NRXN3: variants seen among roughly 807,000 people sequenced by gnomAD.
NRXN3 encodes neurexin III.
A neutral mutation model predicts 137.6 loss-of-function variants in NRXN3; 32 were observed. The ratio of observed to expected loss-of-function variants is 0.23; its 90% CI spans 0.18 to 0.31. NRXN3 has a LOEUF of 0.31. Among genes scored for constraint, NRXN3 ranks in the 10% least tolerant of loss-of-function variants. NRXN3 has a pLI of 1.00. For missense variants in NRXN3, 1,574 were observed against 2,062.5 expected (o/e 0.76, Z 4.59); for synonymous variants, 798 against 784.5 (o/e 1.02, Z -0.29).
intron 4 of NRXN3, among the ~76,000 whole-genome samples, chr14:78,389,056 C>CTTTTTTTTTTTTTTTT (rs5809885): frequency 7.4e-6 from 1 of 135,612 alleles, no homozygotes; most frequent in Non-Finnish European, 1.6e-5. Context: ...GTTTAAGTTT[C>CTTTTTTTTTTTTTTTT]TTTTTTTTTT....
At chr14:78,210,685 C>T (rs114600994) in intron 1 of NRXN3, among the ~76,000 whole-genome samples, 1 of 151,738 alleles carries the variant, frequency 6.6e-6, no homozygotes, top group Admixed American at 6.6e-5. Flanking sequence ...CTGTCCCCAC[C>T]CCTGGCCCCA....
chr14:78,813,248 T>C (rs2098920158), intron 10 of NRXN3, among the ~76,000 whole-genome samples: 1 of 152,202 alleles, frequency 6.6e-6, no homozygotes, highest in Non-Finnish European at 1.5e-5. Context: ...TGCAATTAAA[T>C]TTGGAGAGAA....
chr14:79,164,961 T>C (rs988427529), intron 15 of NRXN3, among the ~76,000 whole-genome samples: 5 of 152,044 alleles, frequency 3.3e-5, no homozygotes, highest in African/African-American at 1.2e-4. Flanking sequence ...GCTATAATTT[T>C]GGAGCTATAA....
At chr14:78,467,145 C>T (rs1221183625) in intron 4 of NRXN3, among the ~76,000 whole-genome samples, 1 of 152,180 alleles carries the variant, frequency 6.6e-6, no homozygotes, top group Non-Finnish European at 1.5e-5. Flanking sequence ...GTACCCTGAA[C>T]ACCTGGGTCA....
At chr14:79,269,043 CTTATT>C (rs71131690) in intron 15 of NRXN3, among the ~76,000 whole-genome samples, 6 of 150,342 alleles carry the variant, frequency 4.0e-5, no homozygotes, top group African/African-American at 1.5e-4. Context: ...TTTTATTTTT[CTTATT>C]TTATTTTATT....
intron 19 of NRXN3, among the ~76,000 whole-genome samples, chr14:79,704,288 A>G (rs1309895420): frequency 2.6e-5 from 4 of 152,292 alleles, no homozygotes; most frequent in Non-Finnish European, 4.4e-5. Flanking sequence ...CCCAGACTAG[A>G]ACCTCAGATA....
intron 20 of NRXN3, among the ~76,000 whole-genome samples, chr14:79,817,252 C>T (rs1190296239): frequency 6.6e-6 from 1 of 152,094 alleles, no homozygotes; most frequent in African/African-American, 2.4e-5. Flanking sequence ...GGGGTTTTAC[C>T]ATGTTGGCCA....
At chr14:78,679,710 C>T (rs140396437) in intron 6 of NRXN3, among the ~76,000 whole-genome samples, 42 of 152,230 alleles carry the variant, frequency 2.8e-4, no homozygotes, top group African/African-American at 7.9e-4. Context: ...AGGATGGAAA[C>T]GTTGAGATCA....
intron 10 of NRXN3, among the ~76,000 whole-genome samples, chr14:78,953,859 G>T (rs893240120): frequency 6.6e-6 from 1 of 152,106 alleles, no homozygotes; most frequent in Admixed American, 6.5e-5. Context: ...AACTTTCCTA[G>T]TTATTAAAAA....
At chr14:78,378,077 C>T (rs1169877792) in intron 4 of NRXN3, among the ~76,000 whole-genome samples, 2 of 151,998 alleles carry the variant, frequency 1.3e-5, no homozygotes, top group African/African-American at 2.4e-5. Flanking sequence ...TGTTCACTGA[C>T]CAAAATGGAA....
chr14:78,646,199 T>C (rs975243280), intron 5 of NRXN3, among the ~76,000 whole-genome samples: 1 of 152,190 alleles, frequency 6.6e-6, no homozygotes. Context: ...GTGACAACAT[T>C]CTCAGAAAGC....
intron 19 of NRXN3, among the ~76,000 whole-genome samples, chr14:79,781,263 C>G (rs573051810): frequency 4.6e-5 from 7 of 152,184 alleles, no homozygotes; most frequent in African/African-American, 1.7e-4. Flanking sequence ...ATTTAAATAG[C>G]TGGCCTGTAA....
At chr14:79,308,924 T>TATTTTTTA (rs2086664332) in intron 15 of NRXN3, among the ~76,000 whole-genome samples, 2 of 147,084 alleles carry the variant, frequency 1.4e-5, no homozygotes, top group Non-Finnish European at 3.0e-5. Flanking sequence ...TTTATTTATT[T>TATTTTTTA]ATTTTTTAAT....
At chr14:79,227,795 T>C (rs61995410) in intron 15 of NRXN3, among the ~76,000 whole-genome samples, 2,364 of 29,472 alleles carry the variant, frequency 0.08, 139 homozygotes, top group Middle Eastern at 0.28. Flanking sequence ...CCCTCCTCCC[T>C]TCCTCCCTTC....
chr14:79,350,702 G>A (rs904071239), intron 15 of NRXN3, among the ~76,000 whole-genome samples: 2 of 152,014 alleles, frequency 1.3e-5, no homozygotes, highest in Non-Finnish European at 2.9e-5. Flanking sequence ...TATTGATAAG[G>A]AGTAAGGTAT....
chr14:78,986,086 C>G (rs571099920), intron 14 of NRXN3, among the ~76,000 whole-genome samples: 2 of 152,160 alleles, frequency 1.3e-5, no homozygotes, highest in Non-Finnish European at 2.9e-5. Context: ...GAAGACGAAC[C>G]CTTTGTAGTC....
At chr14:78,726,685 A>G (rs1247183283) in intron 8 of NRXN3, among the ~76,000 whole-genome samples, 1 of 151,606 alleles carries the variant, frequency 6.6e-6, no homozygotes, top group African/African-American at 2.4e-5. Flanking sequence ...CACCCGGCTA[A>G]TTTTTGTATT....
intron 15 of NRXN3, among the ~76,000 whole-genome samples, chr14:79,367,374 T>C (rs1173429955): frequency 1.3e-5 from 2 of 152,242 alleles, no homozygotes; most frequent in African/African-American, 4.8e-5. Flanking sequence ...CTGAAGCTTA[T>C]GTAGCACATA....
intron 16 of NRXN3, among the ~76,000 whole-genome samples, chr14:79,559,026 C>T (rs1029174851): frequency 6.6e-6 from 1 of 152,116 alleles, no homozygotes; most frequent in African/African-American, 2.4e-5. Context: ...TCTTAGCCTT[C>T]ATAGACTTGA....
Sources: gnomAD v4.1 joint callset for allele counts (sites outside exome capture counted in the v4.1 genomes callset) on GRCh38, gnomAD v4.1.1 for gene constraint, MANE v1.5 for transcripts, NCBI Gene and HGNC (gene_info 2026-07-23, HGNC 2026-07-21) for gene names.